Variants in NME8 observed in about 807,000 individuals in gnomAD.
NME8 encodes NME/NM23 family member 8.
A neutral mutation model predicts 82.3 loss-of-function variants in NME8; 72 were observed. The ratio of observed to expected loss-of-function variants is 0.87; its 90% CI spans 0.72 to 1.06. The LOEUF is 1.06. Among genes scored for constraint, NME8 ranks in the 50% least tolerant of loss-of-function variants. NME8 has a pLI of 0.00. For synonymous variants in NME8, 267 were observed against 228.5 expected (o/e 1.17, Z -1.52); for missense variants, 712 against 685.4 (o/e 1.04, Z -0.43).
chr7:37,870,174 C>T (rs1784746308), intron 11 of NME8, among the ~76,000 whole-genome samples: 1 of 150,354 alleles, frequency 6.7e-6, no homozygotes, highest in Non-Finnish European at 1.5e-5. Flanking sequence ...TTCCCTGGGG[C>T]ACACTGGAAG....
At chr7:37,880,033 A>G (rs1305816281) in intron 12 of NME8, among the ~76,000 whole-genome samples, 1 of 151,678 alleles carries the variant, frequency 6.6e-6, no homozygotes, top group Non-Finnish European at 1.5e-5. Context: ...CTTTTTGCCC[A>G]TTTCTTAATT....
At chr7:37,899,108 T>C (rs1459475060) in intron 17 of NME8, among the ~76,000 whole-genome samples, 2 of 152,140 alleles carry the variant, frequency 1.3e-5, no homozygotes, top group Admixed American at 1.3e-4. Context: ...AGTTCAACCA[T>C]TGTGGAGGAC....
chr7:37,897,196 T>A, intron 17 of NME8, 89 bp downstream of exon 17: 1 of 820,968 alleles, frequency 1.2e-6, no homozygotes, highest in East Asian at 2.7e-5. Context: ...GAGAAGAACT[T>A]TTCCTAAATT....
chr7:37,867,877 T>C lies in NME8; in HGVS notation c.797T>C (p.Met266Thr). 6.2e-7 allele frequency: 1 copy of C among 1,613,676 alleles called. No homozygotes were observed. Among genetic ancestry groups the C allele is most frequent in the Non-Finnish European group, 8.5e-7 (1 of 1,179,770 alleles). Reference sequence around the variant, plus strand: ...GTCGAAGCCCAGGTTACACCTGGAATGATGAAGAACAAACAAGACAGGTAT... The same window carrying C: ...GTCGAAGCCCAGGTTACACCTGGAACGATGAAGAACAAACAAGACAGGTAT... ...PEVEAQVTPG[M>T]MKNKQDSLQE... Residue 266 changes from methionine (M) to threonine (T), a missense_variant, in exon 11 of 18, where the codon ATG becomes ACG. Coordinates refer to ENST00000199447, the MANE Select transcript of NME8 (RefSeq NM_016616.5).
At chr7:37,857,744 C>T (rs1332141112) in intron 6 of NME8, among the ~76,000 whole-genome samples, 1 of 152,198 alleles carries the variant, frequency 6.6e-6, no homozygotes, top group Non-Finnish European at 1.5e-5. Context: ...TTGTAATACA[C>T]ATTACTCTTA....
At chr7:37,878,059 T>A (rs1432486157) in intron 12 of NME8, among the ~76,000 whole-genome samples, 4 of 152,212 alleles carry the variant, frequency 2.6e-5, no homozygotes, top group Non-Finnish European at 5.9e-5. Flanking sequence ...TTGTACCTGA[T>A]CTTATAGCAA....
chr7:37,883,622 C>T (rs1247608171), intron 12 of NME8, among the ~76,000 whole-genome samples: 3 of 152,192 alleles, frequency 2.0e-5, no homozygotes, highest in Admixed American at 2.0e-4. Flanking sequence ...TCATGTCCCT[C>T]AAACATTCAA....
intron 11 of NME8, among the ~76,000 whole-genome samples, chr7:37,870,283 A>G (rs1784748421): frequency 6.6e-6 from 1 of 151,928 alleles, no homozygotes; most frequent in South Asian, 2.1e-4. Flanking sequence ...TATATATCAT[A>G]ATGTTTTTAA....
At chr7:37,880,399 C>T (rs193030336) in intron 12 of NME8, among the ~76,000 whole-genome samples, 115 of 152,224 alleles carry the variant, frequency 7.6e-4, no homozygotes, top group African/African-American at 2.6e-3. Context: ...TGTGTCTAGA[C>T]TTACTGTTTT....
At chr7:37,882,259 G>A (rs929936525) in intron 12 of NME8, among the ~76,000 whole-genome samples, 8 of 152,196 alleles carry the variant, frequency 5.3e-5, no homozygotes, top group African/African-American at 1.4e-4. Flanking sequence ...AGGCCAGGCA[G>A]CCGCATTGCT....
At position 37,864,469 on chromosome 7, in the gene NME8, C is replaced by T. The variant is rs777244150; in HGVS notation, c.528+48C>T. Reference sequence around the variant, plus strand: ...GATTAAATTAATTGCAAAATAACAACCTCTTAATCGTCAGTTCAAAGACAA... The same window carrying T: ...GATTAAATTAATTGCAAAATAACAATCTCTTAATCGTCAGTTCAAAGACAA... On this transcript the variant is annotated intron_variant, in intron 9 of 17. Coordinates refer to ENST00000199447, the MANE Select transcript of NME8 (RefSeq NM_016616.5). The T allele has an allele frequency of 4.5e-5, 66 of 1,466,026 alleles. No individual in the cohort carries two copies. In the South Asian group the frequency reaches 6.2e-4, roughly 14 times the overall value. 90.8% of individuals were successfully genotyped at this position (1,466,026 alleles called of 1,614,324 possible).
Position 37,890,899 on chromosome 7 carries a change from C to A in NME8, c.1399+2471C>A, listed in dbSNP as rs565416594. On this transcript the variant is annotated intron_variant, in intron 15 of 17. Transcript: ENST00000199447. ...ATCTTGGCTGTTGTGGATAATGCTGCAATAAACATGTGAGTACAGATATTT... is the reference window on the plus strand; with the variant it reads ...ATCTTGGCTGTTGTGGATAATGCTGAAATAAACATGTGAGTACAGATATTT... 3.4e-3 allele frequency among the ~76,000 whole-genome samples: 513 copies of A among 152,040 alleles called. 2 individuals are homozygous for A. The highest frequency in any genetic ancestry group is 4.5e-3 in the Non-Finnish European group (308 of 67,900).
At chr7:37,870,814 G>T (rs548518889) in intron 11 of NME8, among the ~76,000 whole-genome samples, 4 of 152,136 alleles carry the variant, frequency 2.6e-5, no homozygotes, top group Admixed American at 2.6e-4. Context: ...GATGCCCGTT[G>T]GTTTTTCAGT....
intron 17 of NME8, among the ~76,000 whole-genome samples, chr7:37,898,097 A>G (rs926642506): frequency 2.6e-5 from 4 of 152,168 alleles, no homozygotes; most frequent in African/African-American, 7.2e-5. Context: ...CAATGATTGA[A>G]CTAATTTACA....
At chr7:37,872,565 T>C (rs1209192714) in intron 11 of NME8, among the ~76,000 whole-genome samples, 2 of 152,208 alleles carry the variant, frequency 1.3e-5, no homozygotes, top group African/African-American at 4.8e-5. Flanking sequence ...ATTATACAAA[T>C]TGTGATTTGA....
At chr7:37,850,532 C>T in intron 4 of NME8, 97 bp downstream of exon 4, 1 of 1,527,256 alleles carries the variant, frequency 6.5e-7, no homozygotes, top group Non-Finnish European at 9.1e-7. Context: ...ACCAAGAAAT[C>T]CTGCAGTGCC....
Position 37,869,750 on chromosome 7 carries a change from C to A in NME8, c.818+1852C>A, listed in dbSNP as rs1784741070. 2.6e-5 allele frequency among the ~76,000 whole-genome samples: 4 copies of A among 152,134 alleles called. No homozygotes were observed. The South Asian group carries it at 8.3e-4, about 32-fold the overall frequency. ...TTGGCCCATGTTTATCCCAAGCTGGCCACAGCAGACAGCATGGGACAGTGT... is the reference window on the plus strand; with the variant it reads ...TTGGCCCATGTTTATCCCAAGCTGGACACAGCAGACAGCATGGGACAGTGT... On this transcript the variant is annotated intron_variant, in intron 11 of 17. Coordinates refer to ENST00000199447, the MANE Select transcript of NME8 (RefSeq NM_016616.5).
intron 11 of NME8, 75 bp downstream of exon 11, chr7:37,867,973 T>A: frequency 1.7e-6 from 2 of 1,199,998 alleles, no homozygotes; most frequent in Non-Finnish European, 2.4e-6. Context: ...GGCACCTCAG[T>A]ACCTAAGGGC....
At chr7:37,872,172 G>T (rs775875308) in intron 11 of NME8, among the ~76,000 whole-genome samples, 21 of 152,046 alleles carry the variant, frequency 1.4e-4, no homozygotes, top group Admixed American at 1.1e-3. Flanking sequence ...CTCCTAAAGG[G>T]CCAGGATAGA....
Sources: gnomAD v4.1 joint callset for allele counts (sites outside exome capture counted in the v4.1 genomes callset) on GRCh38, gnomAD v4.1.1 for gene constraint, MANE v1.5 for transcripts, NCBI Gene and HGNC (gene_info 2026-07-23, HGNC 2026-07-21) for gene names.